The following GABRG3 variants were observed in gnomAD, a reference collection of about 807,000 sequenced individuals.
The protein encoded by GABRG3 is gamma-aminobutyric acid type A receptor subunit gamma3, also known as gamma-aminobutyric acid receptor subunit gamma-3.
In GABRG3, 25 loss-of-function variants were observed where a neutral mutation model predicts 48.8. The observed-to-expected ratio is 0.51, with a 90% CI of 0.37 to 0.72. The LOEUF (loss-of-function observed/expected upper bound fraction) is 0.72. Among genes scored for constraint, GABRG3 ranks in the 30% least tolerant of loss-of-function variants. GABRG3 has a pLI of 0.00. For missense variants in GABRG3, 394 were observed against 577.9 expected (o/e 0.68, Z 3.26); for synonymous variants, 227 against 217.6 (o/e 1.04, Z -0.38).
chr15:27,108,319 G>C (rs1168606553), intron 3 of GABRG3, among the ~76,000 whole-genome samples: 1 of 152,118 alleles, frequency 6.6e-6, no homozygotes, highest in African/African-American at 2.4e-5. Context: ...GGTTATTGCA[G>C]AGTATGTTGT....
intron 3 of GABRG3, among the ~76,000 whole-genome samples, chr15:27,256,538 C>T (rs1263378813): frequency 1.3e-5 from 2 of 151,800 alleles, no homozygotes; most frequent in African/African-American, 4.8e-5. Context: ...CAAGATATGA[C>T]CGATGACCTC....
intron 3 of GABRG3, among the ~76,000 whole-genome samples, chr15:27,274,151 G>A (rs946651344): frequency 6.6e-6 from 1 of 152,160 alleles, no homozygotes; most frequent in African/African-American, 2.4e-5. Context: ...CTTATGTATT[G>A]TATAGGATCA....
chr15:27,397,345 C>T (rs776782202), intron 5 of GABRG3, among the ~76,000 whole-genome samples: 3 of 152,174 alleles, frequency 2.0e-5, no homozygotes, highest in Non-Finnish European at 4.4e-5. Context: ...CTACAGTTCT[C>T]TAACAATTTG....
chr15:27,494,106 A>G (rs918413886), intron 6 of GABRG3, among the ~76,000 whole-genome samples: 7 of 152,148 alleles, frequency 4.6e-5, no homozygotes, highest in African/African-American at 1.7e-4. Flanking sequence ...ATTTTCAAAT[A>G]TTGAACCAAC....
chr15:27,465,836 A>G (rs1227435918), intron 5 of GABRG3, among the ~76,000 whole-genome samples: 1 of 152,112 alleles, frequency 6.6e-6, no homozygotes, highest in Non-Finnish European at 1.5e-5. Flanking sequence ...ACAAAATAAT[A>G]TTTACTGGCA....
intron 3 of GABRG3, among the ~76,000 whole-genome samples, chr15:27,278,063 T>G (rs942894835): frequency 1.2e-4 from 18 of 152,030 alleles, no homozygotes; most frequent in African/African-American, 4.1e-4. Context: ...TGCATTTTTT[T>G]TTTTTTGAAA....
At chr15:27,124,505 G>A (rs566616642) in intron 3 of GABRG3, among the ~76,000 whole-genome samples, 2 of 152,320 alleles carry the variant, frequency 1.3e-5, no homozygotes, top group South Asian at 4.1e-4. Flanking sequence ...AATTTACAGT[G>A]TGATCCGGGG....
chr15:26,973,235 T>C (rs1168805590), intron 1 of GABRG3, among the ~76,000 whole-genome samples: 1 of 152,218 alleles, frequency 6.6e-6, no homozygotes, highest in East Asian at 1.9e-4. Flanking sequence ...AGCCTCTGCC[T>C]TAAAACAGTC....
chr15:27,379,480 A>G (rs757845881), intron 5 of GABRG3, among the ~76,000 whole-genome samples: 1 of 152,208 alleles, frequency 6.6e-6, no homozygotes, highest in Non-Finnish European at 1.5e-5. Flanking sequence ...GAAAAATAAA[A>G]TATTTTATTG....
rs1888427980 is a variant in GABRG3, at chr15:27,194,313, G to T, written c.271-132496G>T. Among the ~76,000 whole-genome samples the T allele has an allele frequency of 3.9e-5, 6 of 152,166 alleles. No individual in the cohort carries two copies. In the South Asian group the frequency reaches 1.0e-3, roughly 26 times the overall value. On this transcript the variant is annotated intron_variant, in intron 3 of 9. Transcript: ENST00000615808. Reference sequence around the variant, plus strand: ...TGTTTTAGAAACTCATGTAAAGATGGATTGTCAATTATATTTTTATCCTTA... The same window carrying T: ...TGTTTTAGAAACTCATGTAAAGATGTATTGTCAATTATATTTTTATCCTTA...
chr15:27,168,136 TAA>T (rs757688026), intron 3 of GABRG3, among the ~76,000 whole-genome samples: 28 of 141,916 alleles, frequency 2.0e-4, no homozygotes, highest in African/African-American at 1.5e-4. Context: ...GAAGCTCAGT[TAA>T]AAAAAAAAAA....
chr15:27,195,026 C>G (rs1191343596), intron 3 of GABRG3, among the ~76,000 whole-genome samples: 1 of 152,184 alleles, frequency 6.6e-6, no homozygotes, highest in African/African-American at 2.4e-5. Context: ...TCTATACAGT[C>G]TGTTTTGTGG....
At chr15:27,204,066 CTTGTCAATATTT>C (rs1383985493) in intron 3 of GABRG3, among the ~76,000 whole-genome samples, 8 of 151,924 alleles carry the variant, frequency 5.3e-5, no homozygotes, top group Non-Finnish European at 1.2e-4. Context: ...TTAAGTCTCA[CTTGTCAATATTT>C]TTGTCGGAAT....
Position 27,532,770 on chromosome 15 carries a change from A to G in GABRG3, c.1293A>G (p.Lys431=). 1 of 1,614,000 alleles carries G rather than the reference A, an allele frequency of 6.2e-7. No homozygotes were observed. The highest frequency in any genetic ancestry group is 8.5e-7 in the Non-Finnish European group (1 of 1,179,892). ...AATGTAAATCAGGATCCTGGAGGAA[A>G]GGGCGTATTCACATAGACATCTTGG... ...YEECKSGSWR[K]GRIHIDILEL... is the part of the protein sequence containing the mutation. The change falls in exon 10 of 10, where the codon AAA becomes AAG. Residue 431 remains lysine (K), a synonymous_variant. Transcript: ENST00000615808.
At chr15:27,133,569 C>A (rs755266934) in intron 3 of GABRG3, among the ~76,000 whole-genome samples, 1 of 152,226 alleles carries the variant, frequency 6.6e-6, no homozygotes, top group Non-Finnish European at 1.5e-5. Flanking sequence ...CAGGCTCCTA[C>A]TGACATGTTT....
chr15:27,241,656 A>C (rs973113809), intron 3 of GABRG3, among the ~76,000 whole-genome samples: 1 of 152,172 alleles, frequency 6.6e-6, no homozygotes, highest in African/African-American at 2.4e-5. Flanking sequence ...TTCATGCACT[A>C]TTTAATTTCT....
At chr15:27,368,537 T>G (rs12900581) in intron 5 of GABRG3, among the ~76,000 whole-genome samples, 43,068 of 151,986 alleles carry the variant, frequency 0.28, 6,343 homozygotes, top group Middle Eastern at 0.37. Context: ...GGTGCATAGT[T>G]GGGCATGTCC....
At chr15:27,350,184 C>T (rs1394969495) in intron 5 of GABRG3, 1 of 455,866 alleles carries the variant, frequency 2.2e-6, no homozygotes, top group African/African-American at 2.0e-5. Flanking sequence ...TTAAAAGTTT[C>T]AAGCTTGATG....
At chr15:27,249,982 T>C (rs1890402001) in intron 3 of GABRG3, among the ~76,000 whole-genome samples, 1 of 152,080 alleles carries the variant, frequency 6.6e-6, no homozygotes, top group Non-Finnish European at 1.5e-5. Flanking sequence ...CTGAAGTCTA[T>C]GGGGTGGGGC....
Sources: gnomAD v4.1 joint callset for allele counts (sites outside exome capture counted in the v4.1 genomes callset) on GRCh38, gnomAD v4.1.1 for gene constraint, MANE v1.5 for transcripts, NCBI Gene and HGNC (gene_info 2026-07-23, HGNC 2026-07-21) for gene names.